POTEI: variants seen among roughly 807,000 people sequenced by gnomAD.
POTEI encodes the protein POTE ankyrin domain family member I.
Under a neutral mutation model 43.4 loss-of-function variants are expected in POTEI, and 14 were observed. That is an observed-to-expected ratio of 0.32 (90% CI 0.21 to 0.50). POTEI has a LOEUF of 0.50. Among genes scored for constraint, POTEI ranks in the 20% least tolerant of loss-of-function variants. The pLI, the probability that POTEI is intolerant of heterozygous loss-of-function variation, is 0.98. For missense variants in POTEI, 235 were observed against 795.4 expected (o/e 0.30, Z 8.47); for synonymous variants, 95 against 297.9 (o/e 0.32, Z 7.01).
intron 13 of POTEI, among the ~76,000 whole-genome samples, chr2:130,468,711 G>C (rs867528232): frequency 6.7e-6 from 1 of 149,868 alleles, no homozygotes; most frequent in Admixed American, 6.6e-5. Flanking sequence ...ATTGGGGGGG[G>C]GGGTATCCTT....
chr2:130,485,125 G>A (rs1573926106), intron 9 of POTEI, among the ~76,000 whole-genome samples: 1 of 151,814 alleles, frequency 6.6e-6, no homozygotes, highest in African/African-American at 2.4e-5. Flanking sequence ...CGTCAAGTAG[G>A]CAGGCTGATA....
intron 6 of POTEI, among the ~76,000 whole-genome samples, chr2:130,494,924 C>T (rs13412871): frequency 9.7e-5 from 10 of 103,388 alleles, no homozygotes; most frequent in African/African-American, 2.6e-4. Context: ...CGTTCCCAAC[C>T]TCTGGTATCT....
intron 10 of POTEI, among the ~76,000 whole-genome samples, chr2:130,477,035 A>G (rs1043902726): frequency 6.7e-6 from 1 of 148,492 alleles, no homozygotes; most frequent in Non-Finnish European, 1.5e-5. Context: ...CCACTTCCTA[A>G]TAGTACCTTA....
At position 130,482,321 on chromosome 2, in the gene POTEI, C is replaced by T. The variant is rs1009526577; in HGVS notation, c.1410-248G>A. Among the ~76,000 whole-genome samples, 13 of 146,814 alleles carry T rather than the reference C, an allele frequency of 8.9e-5. 1 individual carries two copies. Among genetic ancestry groups the T allele is most frequent in the African/African-American group, 3.5e-4 (13 of 37,532 alleles). On this transcript the variant is annotated intron_variant, in intron 9 of 14. Coordinates refer to ENST00000451531, the MANE Select transcript of POTEI (RefSeq NM_001277406.2). Reference sequence around the variant, plus strand: ...ACCCAGTAAATTAACTTGCATTAGCCTGACATAATAGAAAGTGTCCCAACT... The same window carrying T: ...ACCCAGTAAATTAACTTGCATTAGCTTGACATAATAGAAAGTGTCCCAACT...
intron 9 of POTEI, among the ~76,000 whole-genome samples, chr2:130,485,081 C>A (rs376131541): frequency 3.7e-4 from 56 of 152,274 alleles, no homozygotes; most frequent in South Asian, 2.1e-3. Context: ...GGATCTGACA[C>A]GTGTGTGATA....
intron 8 of POTEI, among the ~76,000 whole-genome samples, chr2:130,488,574 C>G (rs1199592275): frequency 2.4e-5 from 3 of 126,458 alleles, no homozygotes; most frequent in Admixed American, 8.0e-5. Flanking sequence ...CAAAATGTGT[C>G]TTCTGTCTTT....
intron 13 of POTEI, among the ~76,000 whole-genome samples, chr2:130,468,735 C>A (rs1222545026): frequency 6.6e-6 from 1 of 151,456 alleles, no homozygotes; most frequent in Admixed American, 6.6e-5. Flanking sequence ...TTTAAAATAT[C>A]TAAATGTCAT....
chr2:130,475,404 G>C (rs1309471355), intron 11 of POTEI, among the ~76,000 whole-genome samples: 73 of 83,026 alleles, frequency 8.8e-4, no homozygotes, highest in Admixed American at 4.4e-3. Flanking sequence ...TTTTTTAAAA[G>C]ATTCCTAACT....
At chr2:130,484,090 C>A (rs1208379222) in intron 9 of POTEI, among the ~76,000 whole-genome samples, 1 of 147,336 alleles carries the variant, frequency 6.8e-6, no homozygotes. Flanking sequence ...GCAAAATATA[C>A]GGTATGTTAG....
intron 14 of POTEI, among the ~76,000 whole-genome samples, chr2:130,464,703 T>G (rs1263719480): frequency 1.3e-5 from 2 of 150,522 alleles, no homozygotes; most frequent in African/African-American, 4.9e-5. Flanking sequence ...AGAATTACAT[T>G]TATTTATAAC....
chr2:130,506,944 AT>A (rs1298088632), intron 1 of POTEI, among the ~76,000 whole-genome samples: 1 of 136,446 alleles, frequency 7.3e-6, no homozygotes, highest in Non-Finnish European at 1.6e-5. Context: ...ACTTTGCCCA[AT>A]TTTAAAATGA....
intron 6 of POTEI, among the ~76,000 whole-genome samples, chr2:130,491,658 CT>C (rs4044419): frequency 0.092 from 530 of 5,734 alleles, 89 homozygotes; most frequent in Non-Finnish European, 0.42. Flanking sequence ...ATTTTTCTTT[CT>C]TTTTTTTTTT....
At chr2:130,507,390 AT>A in intron 1 of POTEI, among the ~76,000 whole-genome samples, 1 of 16,164 alleles carries the variant, frequency 6.2e-5, no homozygotes, top group Non-Finnish European at 1.2e-4. Context: ...ACATATGTAT[AT>A]ATATGTATAT....
intron 6 of POTEI, among the ~76,000 whole-genome samples, chr2:130,491,670 T>C (rs1427756728): frequency 3.6e-4 from 10 of 28,040 alleles, no homozygotes; most frequent in African/African-American, 7.2e-4. Flanking sequence ...TTTTTTTTTT[T>C]TGAGCCAGGG....
At chr2:130,488,457 G>A (rs1461120268) in intron 8 of POTEI, among the ~76,000 whole-genome samples, 9 of 30,968 alleles carry the variant, frequency 2.9e-4, no homozygotes, top group African/African-American at 5.0e-4. Context: ...AATTCAAAAA[G>A]GGCCCTCCTT....
chr2:130,483,568 C>G (rs1293080680), intron 9 of POTEI, among the ~76,000 whole-genome samples: 55 of 98,792 alleles, frequency 5.6e-4, no homozygotes, highest in African/African-American at 2.2e-3. Flanking sequence ...AATTACCAGG[C>G]AAAACTGTTA....
intron 13 of POTEI, among the ~76,000 whole-genome samples, chr2:130,467,327 TC>T (rs1427913721): frequency 1.1e-5 from 1 of 88,790 alleles, no homozygotes; most frequent in African/African-American, 4.1e-5. Flanking sequence ...GATACATAGA[TC>T]AATGGAACAG....
chr2:130,478,567 G>C (rs1400657856), intron 10 of POTEI, among the ~76,000 whole-genome samples: 1 of 111,738 alleles, frequency 8.9e-6, no homozygotes, highest in Non-Finnish European at 1.7e-5. Context: ...AAAACACAAA[G>C]CACATTTTGC....
intron 10 of POTEI, among the ~76,000 whole-genome samples, chr2:130,477,327 T>C: frequency 7.0e-6 from 1 of 143,740 alleles, no homozygotes; most frequent in African/African-American, 2.6e-5. Flanking sequence ...CTGATTTTTG[T>C]ATTTTTAGTA....
Sources: allele counts gnomAD v4.1 joint callset (sites outside exome capture counted in the v4.1 genomes callset), GRCh38; gene constraint gnomAD v4.1.1; transcripts MANE v1.5; gene names NCBI Gene and HGNC (gene_info 2026-07-23, HGNC 2026-07-21).